The following GAS2 variants were observed in gnomAD, a reference collection of about 807,000 sequenced individuals.
GAS2 encodes growth arrest-specific protein 2.
Under a neutral mutation model 37.5 loss-of-function variants are expected in GAS2, and 20 were observed. The ratio of observed to expected loss-of-function variants is 0.53; its 90% confidence interval spans 0.37 to 0.77. GAS2 has a LOEUF of 0.77. GAS2 is among the 30% of genes least tolerant of loss of function. The probability of loss-of-function intolerance (pLI) is 0.00; values close to 1 mark genes in which losing one functional copy is unlikely to be tolerated. For missense variants in GAS2, 336 were observed against 373.4 expected (o/e 0.90, Z 0.82); for synonymous variants, 144 against 132.2 (o/e 1.09, Z -0.61).
rs1849519257 is a variant in GAS2, at chr11:22,678,121, A to G, written c.145+3107A>G. ...CTTTGAATTGACTTCAGTTCATACA[A>G]AGTAGATAGATAATAGACTTTAAGT... On this transcript the variant is annotated intron_variant, in intron 2 of 7. Coordinates refer to ENST00000454584, the MANE Select transcript of GAS2 (RefSeq NM_001143830.3). Among the ~76,000 whole-genome samples, 4 of 152,192 alleles carry G rather than the reference A, an allele frequency of 2.6e-5. No homozygotes were observed. In the South Asian group the frequency reaches 8.3e-4, roughly 32 times the overall value.
intron 3 of GAS2, among the ~76,000 whole-genome samples, chr11:22,686,234 A>G (rs912992750): frequency 2.0e-5 from 3 of 152,166 alleles, no homozygotes; most frequent in Admixed American, 2.0e-4. Flanking sequence ...GTACCATTGA[A>G]CTAAGTAAAT....
chr11:22,667,893 G>A (rs1045971819), intron 1 of GAS2, among the ~76,000 whole-genome samples: 2 of 152,160 alleles, frequency 1.3e-5, no homozygotes, highest in Non-Finnish European at 1.5e-5. Flanking sequence ...TTACAGTGAA[G>A]AGTTTGCAAA....
chr11:22,668,330 G>A (rs1362847195), intron 1 of GAS2: 1 of 152,468 alleles, frequency 6.6e-6, no homozygotes, highest in Non-Finnish European at 1.5e-5. Context: ...GACTGCCTAA[G>A]AGAAGGTAAG....
At chr11:22,697,534 C>T (rs1488920722) in intron 3 of GAS2, among the ~76,000 whole-genome samples, 1 of 152,182 alleles carries the variant, frequency 6.6e-6, no homozygotes, top group Non-Finnish European at 1.5e-5. Context: ...TTACCTTGGG[C>T]AGTATGACCA....
At chr11:22,752,341 G>A (rs143700948) in intron 6 of GAS2, among the ~76,000 whole-genome samples, 1 of 151,892 alleles carries the variant, frequency 6.6e-6, no homozygotes, top group South Asian at 2.1e-4. Flanking sequence ...CATTCTGTTT[G>A]ATAGGTTTTT....
chr11:22,641,218 A>ATATG (rs1471968085), intron 1 of GAS2, among the ~76,000 whole-genome samples: 48 of 142,196 alleles, frequency 3.4e-4, no homozygotes, highest in Non-Finnish European at 5.2e-4. Context: ...ATATATATAT[A>ATATG]TGTGTGTGTG....
intron 2 of GAS2, among the ~76,000 whole-genome samples, chr11:22,675,359 G>A (rs921434128): frequency 6.6e-6 from 1 of 152,184 alleles, no homozygotes; most frequent in African/African-American, 2.4e-5. Flanking sequence ...ACAGGCCACA[G>A]TGTCTGTAAA....
intron 7 of GAS2, among the ~76,000 whole-genome samples, chr11:22,796,154 A>G (rs376835788): frequency 3.3e-5 from 5 of 152,146 alleles, no homozygotes; most frequent in African/African-American, 1.2e-4. Context: ...TGCTGTGATG[A>G]CACAGTCACT....
At chr11:22,775,264 C>A (rs139368382) in intron 7 of GAS2, among the ~76,000 whole-genome samples, 1 of 152,124 alleles carries the variant, frequency 6.6e-6, no homozygotes, top group Admixed American at 6.5e-5. Flanking sequence ...AGTTGGAGGA[C>A]GAGCATTCCA....
chr11:22,718,707 C>T (rs552041984), intron 3 of GAS2, among the ~76,000 whole-genome samples: 6 of 152,034 alleles, frequency 3.9e-5, no homozygotes, highest in African/African-American at 1.4e-4. Context: ...TATTACTCCT[C>T]ATTATGAACA....
At chr11:22,803,358 TG>T (rs1365045468) in intron 7 of GAS2, among the ~76,000 whole-genome samples, 1 of 152,276 alleles carries the variant, frequency 6.6e-6, no homozygotes, top group East Asian at 1.9e-4. Flanking sequence ...ATTTAAGATT[TG>T]TTAGGACATA....
At chr11:22,791,348 T>TC (rs1442314222) in intron 7 of GAS2, among the ~76,000 whole-genome samples, 2 of 152,158 alleles carry the variant, frequency 1.3e-5, no homozygotes, top group Non-Finnish European at 2.9e-5. Flanking sequence ...TACCACCAGG[T>TC]CCATGGTGTA....
chr11:22,650,756 T>C (rs1373698525), intron 1 of GAS2, among the ~76,000 whole-genome samples: 4 of 152,214 alleles, frequency 2.6e-5, no homozygotes, highest in Non-Finnish European at 5.9e-5. Flanking sequence ...CCTTTTTCTG[T>C]TTTCCATTTG....
chr11:22,721,209 C>G (rs1851932121), intron 3 of GAS2, among the ~76,000 whole-genome samples: 1 of 151,948 alleles, frequency 6.6e-6, no homozygotes, highest in South Asian at 2.1e-4. Flanking sequence ...ACCCTCCTCC[C>G]CAACCTCACC....
chr11:22,689,612 C>T (rs981033820), intron 3 of GAS2, among the ~76,000 whole-genome samples: 1 of 152,106 alleles, frequency 6.6e-6, no homozygotes, highest in African/African-American at 2.4e-5. Flanking sequence ...CAAGATTTTT[C>T]AGTCCATTGT....
At chr11:22,728,749 A>G (rs1048401424) in intron 4 of GAS2, among the ~76,000 whole-genome samples, 1 of 151,916 alleles carries the variant, frequency 6.6e-6, no homozygotes, top group Non-Finnish European at 1.5e-5. Flanking sequence ...AAGGGGGTCA[A>G]TATTATGGCA....
chr11:22,775,275 C>T (rs764206291), intron 7 of GAS2, among the ~76,000 whole-genome samples: 7 of 152,310 alleles, frequency 4.6e-5, no homozygotes, highest in Middle Eastern at 3.4e-3. Context: ...GAGCATTCCA[C>T]CGTTTTGGCT....
intron 3 of GAS2, among the ~76,000 whole-genome samples, chr11:22,708,390 T>G (rs1379790914): frequency 6.6e-6 from 1 of 152,194 alleles, no homozygotes; most frequent in Non-Finnish European, 1.5e-5. Context: ...CTAACAAACA[T>G]GCACTTAAAT....
intron 4 of GAS2, 82 bp from the exon 5 acceptor site, chr11:22,737,623 A>G: frequency 7.8e-7 from 1 of 1,274,302 alleles, no homozygotes; most frequent in Non-Finnish European, 1.1e-6. Flanking sequence ...AGCACGAGGA[A>G]TGAGGGTCAT....
Sources: gnomAD v4.1 joint callset for allele counts (sites outside exome capture counted in the v4.1 genomes callset) on GRCh38, gnomAD v4.1.1 for gene constraint, MANE v1.5 for transcripts, NCBI Gene and HGNC (gene_info 2026-07-23, HGNC 2026-07-21) for gene names.